FMN2: variants seen among roughly 807,000 people sequenced by gnomAD.
FMN2 encodes formin-2.
FMN2 carries 51 observed loss-of-function variants against 142.3 expected under a neutral mutation model. The observed-to-expected ratio is 0.36, with a 90% CI of 0.29 to 0.45. FMN2 has a LOEUF of 0.45. Among genes scored for constraint, FMN2 ranks in the 20% least tolerant of loss-of-function variants. The probability of loss-of-function intolerance (pLI) is 1.00; values close to 1 mark genes in which losing one functional copy is unlikely to be tolerated. For missense variants in FMN2, 1,936 were observed against 2,122.8 expected (o/e 0.91, Z 1.73); for synonymous variants, 882 against 869.8 (o/e 1.01, Z -0.25).
At chr1:240,223,182 CT>C (rs1481419433) in intron 6 of FMN2, among the ~76,000 whole-genome samples, 1 of 152,066 alleles carries the variant, frequency 6.6e-6, no homozygotes, top group Non-Finnish European at 1.5e-5. Context: ...TTATTGAGAG[CT>C]TTTAGCATAA....
At chr1:240,194,522 A>G (rs556387679) in intron 4 of FMN2, among the ~76,000 whole-genome samples, 4 of 152,328 alleles carry the variant, frequency 2.6e-5, no homozygotes, top group African/African-American at 7.2e-5. Context: ...GAGGCTCAGG[A>G]GACTCAGAAG....
rs894511087 is a variant in FMN2, at chr1:240,334,093, G to T, written c.4645-16G>T. 4 of 1,581,842 alleles carry T rather than the reference G, an allele frequency of 2.5e-6. No homozygotes were observed. Among genetic ancestry groups the T allele is most frequent in the Non-Finnish European group, 1.7e-6 (2 of 1,171,080 alleles). ...AACCAATTTCTTTAAATATGATGGG[G>T]TTTTTTGTTCATTAGGATGCTGGAA... is the stretch of plus-strand genomic sequence containing the variant. On this transcript the variant is annotated splice_polypyrimidine_tract_variant and intron_variant, in intron 12 of 17. Transcript: ENST00000319653.
chr1:240,114,945 C>T (rs771470170), intron 1 of FMN2, among the ~76,000 whole-genome samples: 3 of 152,100 alleles, frequency 2.0e-5, no homozygotes, highest in Non-Finnish European at 2.9e-5. Context: ...CGTGAGCCAC[C>T]GCGCCCGGCC....
At chr1:240,461,844 T>TG (rs1224359395) in intron 16 of FMN2, among the ~76,000 whole-genome samples, 2 of 152,150 alleles carry the variant, frequency 1.3e-5, no homozygotes, top group Non-Finnish European at 2.9e-5. Flanking sequence ...AATGAGATGG[T>TG]GCACATGATA....
chr1:240,193,790 C>T (rs1010745493), intron 4 of FMN2, among the ~76,000 whole-genome samples: 1 of 152,222 alleles, frequency 6.6e-6, no homozygotes, highest in African/African-American at 2.4e-5. Flanking sequence ...CCAGTCTTAA[C>T]CCTTCTAATC....
At chr1:240,296,445 T>A (rs1669989262) in intron 8 of FMN2, among the ~76,000 whole-genome samples, 1 of 145,274 alleles carries the variant, frequency 6.9e-6, no homozygotes, top group African/African-American at 2.6e-5. Context: ...GTGCTTTTTT[T>A]TTTTTTTTTT....
At chr1:240,177,841 A>C (rs1156237526) in intron 2 of FMN2, 80 bp from the exon 3 acceptor site, 2 of 1,236,314 alleles carry the variant, frequency 1.6e-6, no homozygotes, top group African/African-American at 3.1e-5. Context: ...CATAGAAATG[A>C]TTTTGCAATG....
chr1:240,407,198 T>A (rs1271024564), intron 15 of FMN2, among the ~76,000 whole-genome samples: 1 of 151,784 alleles, frequency 6.6e-6, no homozygotes, highest in Non-Finnish European at 1.5e-5. Context: ...AGTTCAGTGG[T>A]GCGATCTCGG....
intron 16 of FMN2, among the ~76,000 whole-genome samples, chr1:240,445,783 A>T (rs1300228102): frequency 6.6e-6 from 1 of 151,344 alleles, no homozygotes; most frequent in African/African-American, 2.4e-5. Context: ...ATGGGTAGTA[A>T]ATTGGAGAGT....
At position 240,312,162 on chromosome 1, in the gene FMN2, G is replaced by C. The variant is rs772182081; in HGVS notation, c.4216-16914G>C. On this transcript the variant is annotated intron_variant, in intron 8 of 17. Coordinates refer to ENST00000319653, the MANE Select transcript of FMN2 (RefSeq NM_020066.5). Reference sequence around the variant, plus strand: ...TTCACATTTGTTTTTAGTTTTGCATGGTCCGTCCACTTTACCATCTTGTAG... The same window carrying C: ...TTCACATTTGTTTTTAGTTTTGCATCGTCCGTCCACTTTACCATCTTGTAG... Among the ~76,000 whole-genome samples the C allele has an allele frequency of 7.1e-4, 108 of 151,982 alleles. 2 individuals carry two copies. Among genetic ancestry groups the C allele is most frequent in the Non-Finnish European group, 8.8e-5 (6 of 68,002 alleles).
chr1:240,270,043 C>G (rs188340834), intron 7 of FMN2, among the ~76,000 whole-genome samples: 130 of 152,126 alleles, frequency 8.5e-4, no homozygotes, highest in Non-Finnish European at 1.2e-3. Context: ...CCTAATTGCT[C>G]TGGCTAGGAT....
chr1:240,184,800 A>T (rs1033692661), intron 3 of FMN2, among the ~76,000 whole-genome samples: 3 of 151,858 alleles, frequency 2.0e-5, no homozygotes, highest in Non-Finnish European at 4.4e-5. Context: ...AGGGAGCTCT[A>T]TGAAAGTTGG....
At chr1:240,113,733 C>G (rs982180056) in intron 1 of FMN2, among the ~76,000 whole-genome samples, 1 of 152,094 alleles carries the variant, frequency 6.6e-6, no homozygotes, top group African/African-American at 2.4e-5. Flanking sequence ...TCCACTCCCC[C>G]TGACCTGGTT....
At chr1:240,153,987 A>G (rs1363606682) in intron 2 of FMN2, among the ~76,000 whole-genome samples, 1 of 151,644 alleles carries the variant, frequency 6.6e-6, no homozygotes, top group Non-Finnish European at 1.5e-5. Flanking sequence ...GTGGTGGTGC[A>G]TGCCTGTAAT....
chr1:240,316,323 A>G (rs1346140012), intron 8 of FMN2, among the ~76,000 whole-genome samples: 5 of 152,204 alleles, frequency 3.3e-5, no homozygotes, highest in African/African-American at 9.6e-5. Context: ...TTGGTCAATA[A>G]TATGCTGCAG....
chr1:240,303,835 G>A (rs4659958), intron 8 of FMN2, among the ~76,000 whole-genome samples: 55,104 of 151,770 alleles, frequency 0.36, 10,343 homozygotes, highest in African/African-American at 0.45. Flanking sequence ...TCCTGAGGCT[G>A]TCTTCACTTT....
At chr1:240,456,325 T>A (rs1478867726) in intron 16 of FMN2, among the ~76,000 whole-genome samples, 1 of 152,232 alleles carries the variant, frequency 6.6e-6, no homozygotes, top group African/African-American at 2.4e-5. Flanking sequence ...CATTCTATAG[T>A]GTGAGTGTTC....
chr1:240,359,651 G>A (rs1672394513), intron 14 of FMN2, among the ~76,000 whole-genome samples: 1 of 152,010 alleles, frequency 6.6e-6, no homozygotes, highest in South Asian at 2.1e-4. Flanking sequence ...CTCCTCACTG[G>A]GAACATCTCT....
intron 14 of FMN2, among the ~76,000 whole-genome samples, chr1:240,357,616 T>G (rs1293317115): frequency 2.0e-5 from 3 of 151,634 alleles, no homozygotes; most frequent in Non-Finnish European, 2.9e-5. Context: ...ACGGGTTTTT[T>G]TTTTTTTTTT....
Sources: gnomAD v4.1 joint callset for allele counts (sites outside exome capture counted in the v4.1 genomes callset) on GRCh38, gnomAD v4.1.1 for gene constraint, MANE v1.5 for transcripts, NCBI Gene and HGNC (gene_info 2026-07-23, HGNC 2026-07-21) for gene names.